The following RNGTT variants were observed in gnomAD, a reference collection of about 807,000 sequenced individuals.
RNGTT encodes RNA guanylyltransferase and 5'-phosphatase.
A neutral mutation model predicts 79.3 loss-of-function variants in RNGTT; 33 were observed. The observed-to-expected ratio is 0.42, with a 90% CI of 0.32 to 0.56. The LOEUF is 0.56. Among genes scored for constraint, RNGTT ranks in the 20% least tolerant of loss-of-function variants. The pLI, the probability that RNGTT is intolerant of heterozygous loss-of-function variation, is 0.17. For missense variants in RNGTT, 497 were observed against 739.1 expected, an observed-to-expected ratio of 0.67 and a Z score of 3.80; for synonymous variants, 222 against 235.9, an observed-to-expected ratio of 0.94 and a Z score of 0.54.
chr6:88,943,265 C>T (rs1307786274), intron 1 of RNGTT, among the ~76,000 whole-genome samples: 1 of 152,172 alleles, frequency 6.6e-6, no homozygotes, highest in East Asian at 1.9e-4. Flanking sequence ...ACTCTAAAAC[C>T]TGCTCCCTTC....
Position 88,906,400 on chromosome 6 carries a change from G to T in RNGTT, c.408C>A (p.Leu136=). 1 of 1,604,050 alleles carries T rather than the reference G, an allele frequency of 6.2e-7. No individual in the cohort carries two copies. Among genetic ancestry groups the T allele is most frequent in the Non-Finnish European group, 8.5e-7 (1 of 1,176,608 alleles). Residue 136 remains leucine, a synonymous_variant, in exon 5 of 16, where the codon CTC becomes CTA. Coordinates refer to ENST00000369485, the MANE Select transcript of RNGTT (RefSeq NM_003800.5). Reference sequence around the variant, plus strand: ...TTTTCTCCACCAAAAAGGCACATATGAGGAAACCAGTGCGATTGAAGCCAT... The same window carrying T: ...TTTTCTCCACCAAAAAGGCACATATTAGGAAACCAGTGCGATTGAAGCCAT... ...CTHGFNRTGF[L]ICAFLVEKMD...
intron 1 of RNGTT, among the ~76,000 whole-genome samples, chr6:88,951,882 A>G (rs2127964235): frequency 6.6e-6 from 1 of 152,272 alleles, no homozygotes; most frequent in Non-Finnish European, 1.5e-5. Flanking sequence ...CTTCCAAATG[A>G]AACTCATAAT....
At chr6:88,876,967 G>T (rs1435924186) in intron 8 of RNGTT, among the ~76,000 whole-genome samples, 2 of 152,184 alleles carry the variant, frequency 1.3e-5, no homozygotes, top group African/African-American at 4.8e-5. Flanking sequence ...CTATTAACTA[G>T]TAGTAACTCT....
At chr6:88,905,073 G>A in intron 5 of RNGTT, 118 bp from the exon 6 acceptor site, 3 of 1,265,308 alleles carry the variant, frequency 2.4e-6, no homozygotes, top group African/African-American at 1.5e-5. Flanking sequence ...TTATAAAATG[G>A]GCAAATCACA....
At chr6:88,801,972 C>G (rs185608338) in intron 11 of RNGTT, among the ~76,000 whole-genome samples, 405 of 151,830 alleles carry the variant, frequency 2.7e-3, no homozygotes, top group Non-Finnish European at 3.7e-3. Context: ...TAAGCCAGCA[C>G]AAAAGGAAGA....
chr6:88,862,440 T>A (rs9344882), intron 8 of RNGTT, among the ~76,000 whole-genome samples: 6,241 of 152,228 alleles, frequency 0.041, 189 homozygotes, highest in African/African-American at 0.077. Flanking sequence ...ACATCCAGGG[T>A]GGACGTGAAA....
rs528033777 is a variant in RNGTT, at chr6:88,863,274, A to T, written c.897-9510T>A. On this transcript the variant is annotated intron_variant, in intron 8 of 15. Transcript: ENST00000369485. ...CTGAAGATTTGGACAATTTGCCAACATTTAAATGTCTTCTACATAAGCATA... is the reference window on the plus strand; with the variant it reads ...CTGAAGATTTGGACAATTTGCCAACTTTTAAATGTCTTCTACATAAGCATA... Among the ~76,000 whole-genome samples the T allele has an allele frequency of 5.3e-5, 8 of 152,332 alleles. No homozygotes were observed. The East Asian group carries it at 1.5e-3, about 29-fold the overall frequency.
chr6:88,614,173 A>G, intron 15 of RNGTT, 99 bp downstream of exon 15: 1 of 1,113,118 alleles, frequency 9.0e-7, no homozygotes. Context: ...CCAAATGACT[A>G]TGCCCCATTA....
rs35623392 is a variant in RNGTT at position 88,704,259 on chromosome 6, C to CAAAAAAAAA, written c.1440-25849_1440-25841dup. On this transcript the variant is annotated intron_variant, in intron 13 of 15. Transcript: ENST00000369485. Reference sequence around the variant, plus strand: ...TGGGTGACAGAGCGAGACTCTGTCTCAAAAAAAAAAAAAAAAAAAAAAAAA... The same window carrying CAAAAAAAAA: ...TGGGTGACAGAGCGAGACTCTGTCTCAAAAAAAAAAAAAAAAAAAAAAAAAAAAAAAAAA... Among the ~76,000 whole-genome samples the CAAAAAAAAA allele has an allele frequency of 1.7e-3, 84 of 48,716 alleles. 3 individuals carry two copies. Among genetic ancestry groups the CAAAAAAAAA allele is most frequent in the African/African-American group, 5.3e-3 (80 of 15,054 alleles). The allele number at this position is 48,716 out of a possible 152,430, so 32.0% of individuals were successfully genotyped here. A position where few individuals can be genotyped will look rare whatever the true frequency, so the allele number is the denominator to read the frequency against.
chr6:88,852,706 A>G (rs1781713052), intron 9 of RNGTT, among the ~76,000 whole-genome samples: 1 of 152,206 alleles, frequency 6.6e-6, no homozygotes, highest in Non-Finnish European at 1.5e-5. Context: ...TTACAGAACT[A>G]TTTCTCAAAC....
At chr6:88,931,100 T>C (rs908303931) in intron 2 of RNGTT, among the ~76,000 whole-genome samples, 5 of 150,144 alleles carry the variant, frequency 3.3e-5, no homozygotes, top group Non-Finnish European at 7.4e-5. Flanking sequence ...TTGGGCATCA[T>C]GTAGGTGCTA....
intron 14 of RNGTT, among the ~76,000 whole-genome samples, chr6:88,640,556 A>AAAAAG (rs1562164398): frequency 7.0e-6 from 1 of 142,158 alleles, no homozygotes; most frequent in African/African-American, 3.0e-5. Context: ...CAAAAAAAAA[A>AAAAAG]AAAAGAAAAG....
intron 14 of RNGTT, among the ~76,000 whole-genome samples, chr6:88,670,506 G>A (rs1774595130): frequency 6.6e-6 from 1 of 152,122 alleles, no homozygotes; most frequent in Non-Finnish European, 1.5e-5. Context: ...GGGGAATAAG[G>A]AAGGAGACCA....
intron 13 of RNGTT, among the ~76,000 whole-genome samples, chr6:88,734,395 AG>A (rs1777215503): frequency 6.6e-6 from 1 of 152,174 alleles, no homozygotes; most frequent in African/African-American, 2.4e-5. Flanking sequence ...TCAGAAAAAG[AG>A]AAGATTTTAA....
At chr6:88,613,735 T>G (rs908865151) in intron 15 of RNGTT, among the ~76,000 whole-genome samples, 6 of 152,250 alleles carry the variant, frequency 3.9e-5, no homozygotes, top group African/African-American at 1.4e-4. Context: ...AATTAATTTG[T>G]GTTGTTCCCC....
intron 13 of RNGTT, among the ~76,000 whole-genome samples, chr6:88,768,712 A>G (rs1292620384): frequency 1.3e-5 from 2 of 152,158 alleles, no homozygotes; most frequent in Non-Finnish European, 2.9e-5. Context: ...TTGATTAAGG[A>G]TTTCTTATTT....
In RNGTT at chr6:88,610,851, C is replaced by T. The variant is rs1158298128; in HGVS notation, c.*1868G>A. ...GCTTGCTTTCGTATCTGCAAAAGGGCTCTGCCTTTCCACAGGCTCGGAGGG... is the reference window on the plus strand; with the variant it reads ...GCTTGCTTTCGTATCTGCAAAAGGGTTCTGCCTTTCCACAGGCTCGGAGGG... On this transcript the variant is annotated 3_prime_UTR_variant, in exon 16 of 16. Transcript: ENST00000369485. The T allele has an allele frequency of 6.6e-6, 1 of 152,228 alleles. No individual in the cohort carries two copies. The highest frequency in any genetic ancestry group is 1.9e-4 in the East Asian group (1 of 5,198). The allele number at this position is 152,228 out of a possible 1,614,324, so 9.4% of individuals were successfully genotyped here. A position where few individuals can be genotyped will look rare whatever the true frequency, so the allele number is the denominator to read the frequency against.
At chr6:88,902,369 G>C (rs935184987) in intron 6 of RNGTT, among the ~76,000 whole-genome samples, 1 of 152,082 alleles carries the variant, frequency 6.6e-6, no homozygotes, top group Admixed American at 6.5e-5. Flanking sequence ...GGAGGCTAAG[G>C]CAGGAAGATT....
chr6:88,671,074 A>G (rs1300597735), intron 14 of RNGTT, among the ~76,000 whole-genome samples: 2 of 152,192 alleles, frequency 1.3e-5, no homozygotes, highest in Non-Finnish European at 2.9e-5. Context: ...CACCACTTCT[A>G]TTCATTACAG....
Sources: gnomAD v4.1 joint callset for allele counts (sites outside exome capture counted in the v4.1 genomes callset) on GRCh38, gnomAD v4.1.1 for gene constraint, MANE v1.5 for transcripts, NCBI Gene and HGNC (gene_info 2026-07-23, HGNC 2026-07-21) for gene names.